Variants in ZSWIM6 observed in about 807,000 individuals in gnomAD.
ZSWIM6 encodes zinc finger SWIM domain-containing protein 6.
In ZSWIM6, 9 loss-of-function variants were observed where a neutral mutation model predicts 113.2. That is an observed-to-expected ratio of 0.08 (90% CI 0.05 to 0.14). The LOEUF (loss-of-function observed/expected upper bound fraction) is 0.14, where lower values mean the gene tolerates loss of function less well. Ranked by LOEUF, ZSWIM6 falls within the 10% of genes least tolerant of loss-of-function variation. ZSWIM6 has a pLI of 1.00. For missense variants in ZSWIM6, 1,162 were observed against 1,552.2 expected, an observed-to-expected ratio of 0.75 and a Z score of 4.22; for synonymous variants, 611 against 606.5, an observed-to-expected ratio of 1.01 and a Z score of -0.11.
At position 61,491,119 on chromosome 5, in the gene ZSWIM6, A is replaced by G. The variant is rs114667147; in HGVS notation, c.1182+185A>G. ...TTCCTTAGGTGATCTTAGACAAGAT[A>G]TGGGATATTTTTGTCTCTCTCAGTT... On this transcript the variant is annotated intron_variant, in intron 3 of 13. Transcript: ENST00000252744. Among the ~76,000 whole-genome samples, 372 of 152,206 alleles carry G rather than the reference A, an allele frequency of 2.4e-3. 1 individual carries two copies. Among genetic ancestry groups the G allele is most frequent in the African/African-American group, 8.7e-3 (361 of 41,564 alleles).
intron 1 of ZSWIM6, among the ~76,000 whole-genome samples, chr5:61,450,470 A>C (rs958718899): frequency 6.6e-6 from 1 of 152,186 alleles, no homozygotes; most frequent in Admixed American, 6.5e-5. Flanking sequence ...TTTAAAAATA[A>C]ATAATTGCTA....
At chr5:61,540,916 GTTTTTTT>G (rs34749703) in intron 12 of ZSWIM6, among the ~76,000 whole-genome samples, 2 of 94,590 alleles carry the variant, frequency 2.1e-5, no homozygotes, top group Non-Finnish European at 3.9e-5. Context: ...TATTTTGTGG[GTTTTTTT>G]TTTTTTTTTT....
chr5:61,403,621 A>G (rs1387430352), intron 1 of ZSWIM6, among the ~76,000 whole-genome samples: 1 of 152,252 alleles, frequency 6.6e-6, no homozygotes, highest in African/African-American at 2.4e-5. Flanking sequence ...CTTCAGATTT[A>G]GAAAGCACAC....
chr5:61,358,363 A>AT (rs1230941938), intron 1 of ZSWIM6, among the ~76,000 whole-genome samples: 1 of 152,188 alleles, frequency 6.6e-6, no homozygotes, highest in Non-Finnish European at 1.5e-5. Flanking sequence ...AGACAGTAGT[A>AT]TTTAACTGCT....
chr5:61,339,400 G>A (rs1232457223), intron 1 of ZSWIM6, among the ~76,000 whole-genome samples: 1 of 152,016 alleles, frequency 6.6e-6, no homozygotes, highest in Non-Finnish European at 1.5e-5. Context: ...GTGACAGAGC[G>A]AGAACCTGTC....
chr5:61,370,255 A>T (rs547071952), intron 1 of ZSWIM6, among the ~76,000 whole-genome samples: 2 of 152,168 alleles, frequency 1.3e-5, no homozygotes, highest in Non-Finnish European at 2.9e-5. Context: ...CCCTCCCATT[A>T]TTTAAAAGCT....
At chr5:61,336,386 C>T (rs1322431293) in intron 1 of ZSWIM6, among the ~76,000 whole-genome samples, 1 of 152,142 alleles carries the variant, frequency 6.6e-6, no homozygotes, top group African/African-American at 2.4e-5. Flanking sequence ...AAAAATTTCC[C>T]CAAGTTATTT....
At chr5:61,362,291 C>G (rs1049072144) in intron 1 of ZSWIM6, among the ~76,000 whole-genome samples, 1 of 151,916 alleles carries the variant, frequency 6.6e-6, no homozygotes, top group Non-Finnish European at 1.5e-5. Flanking sequence ...CTCTGCCTCC[C>G]GGATTCAAGC....
At chr5:61,411,267 G>T (rs1278237618) in intron 1 of ZSWIM6, among the ~76,000 whole-genome samples, 2 of 152,210 alleles carry the variant, frequency 1.3e-5, no homozygotes, top group African/African-American at 2.4e-5. Context: ...GGATGAGTCT[G>T]TATTTGGACT....
intron 4 of ZSWIM6, among the ~76,000 whole-genome samples, chr5:61,519,461 C>A (rs755613138): frequency 2.0e-5 from 3 of 152,242 alleles, no homozygotes; most frequent in Admixed American, 1.3e-4. Context: ...TGGCAAGTCA[C>A]CCCCATCAGG....
chr5:61,391,892 G>T (rs1180658881), intron 1 of ZSWIM6: 19 of 604,342 alleles, frequency 3.1e-5, no homozygotes, highest in Non-Finnish European at 5.5e-5. Flanking sequence ...AATCCTGCCG[G>T]TAGAGCAAAA....
chr5:61,510,934 A>G (rs1272844090), intron 4 of ZSWIM6, among the ~76,000 whole-genome samples: 1 of 152,142 alleles, frequency 6.6e-6, no homozygotes, highest in East Asian at 1.9e-4. Flanking sequence ...GGACAGCAGA[A>G]TGAAGTGTTT....
chr5:61,423,083 T>C (rs1451500189), intron 1 of ZSWIM6, among the ~76,000 whole-genome samples: 1 of 152,156 alleles, frequency 6.6e-6, no homozygotes, highest in Non-Finnish European at 1.5e-5. Flanking sequence ...TCTGATTACT[T>C]TAACTAGAAC....
chr5:61,533,782 T>G (rs1749505865), intron 9 of ZSWIM6, among the ~76,000 whole-genome samples: 1 of 152,242 alleles, frequency 6.6e-6, no homozygotes, highest in Non-Finnish European at 1.5e-5. Flanking sequence ...TAGATTGGGC[T>G]GCCATAACAA....
chr5:61,415,400 C>G (rs1337207018), intron 1 of ZSWIM6, among the ~76,000 whole-genome samples: 4 of 152,136 alleles, frequency 2.6e-5, no homozygotes, highest in Non-Finnish European at 5.9e-5. Context: ...CGAGGCCATC[C>G]TGGCCAACAT....
At chr5:61,334,378 A>G (rs1009098741) in intron 1 of ZSWIM6, among the ~76,000 whole-genome samples, 2 of 152,158 alleles carry the variant, frequency 1.3e-5, no homozygotes, top group Admixed American at 6.5e-5. Context: ...ATGTTAGTGT[A>G]CTTGAAATTG....
intron 1 of ZSWIM6, among the ~76,000 whole-genome samples, chr5:61,395,965 A>C (rs1243237512): frequency 1.3e-5 from 2 of 152,010 alleles, no homozygotes; most frequent in Non-Finnish European, 2.9e-5. Context: ...TTATTAGATC[A>C]GTATATTGCT....
intron 1 of ZSWIM6, among the ~76,000 whole-genome samples, chr5:61,413,055 G>T (rs1746177142): frequency 6.7e-6 from 1 of 148,488 alleles, no homozygotes; most frequent in South Asian, 2.1e-4. Flanking sequence ...AAGTTTTAGG[G>T]TACATGTGCA....
chr5:61,436,978 C>G (rs868043221), intron 1 of ZSWIM6, among the ~76,000 whole-genome samples: 13 of 152,158 alleles, frequency 8.5e-5, no homozygotes, highest in African/African-American at 3.1e-4. Context: ...CCACTTAGAG[C>G]CATTCTTCGA....
Sources: allele counts gnomAD v4.1 joint callset (sites outside exome capture counted in the v4.1 genomes callset), GRCh38; gene constraint gnomAD v4.1.1; transcripts MANE v1.5; gene names NCBI Gene and HGNC (gene_info 2026-07-23, HGNC 2026-07-21).